The following EHBP1 variants were observed in gnomAD, a reference collection of about 807,000 sequenced individuals.
EHBP1 encodes EH domain-binding protein 1.
Under a neutral mutation model 144.0 loss-of-function variants are expected in EHBP1, and 55 were observed. The ratio of observed to expected loss-of-function variants is 0.38; its 90% confidence interval spans 0.31 to 0.48. The LOEUF is 0.48. EHBP1 is among the 20% of genes least tolerant of loss of function. The pLI is 0.98. For synonymous variants in EHBP1, 469 were observed against 472.7 expected (o/e 0.99, Z 0.10); for missense variants, 1,200 against 1,364.2 (o/e 0.88, Z 1.90).
At chr2:62,859,635 G>C (rs536318863) in intron 8 of EHBP1, among the ~76,000 whole-genome samples, 35 of 152,110 alleles carry the variant, frequency 2.3e-4, no homozygotes, top group Admixed American at 2.2e-3. Context: ...TCAGTCTGTT[G>C]AGCCCTTCTG....
At chr2:62,743,426 C>T (rs2038894464) in intron 2 of EHBP1, among the ~76,000 whole-genome samples, 1 of 151,994 alleles carries the variant, frequency 6.6e-6, no homozygotes, top group South Asian at 2.1e-4. Flanking sequence ...TGTGCCTGGA[C>T]TAGGGTAGTT....
chr2:62,734,273 C>T (rs557794487), intron 2 of EHBP1, among the ~76,000 whole-genome samples: 2 of 151,644 alleles, frequency 1.3e-5, no homozygotes, highest in Admixed American at 1.3e-4. Context: ...TCTATCCAGG[C>T]TTATAGAAAT....
At chr2:62,923,480 C>T (rs573302072) in intron 10 of EHBP1, among the ~76,000 whole-genome samples, 1 of 152,188 alleles carries the variant, frequency 6.6e-6, no homozygotes, top group Admixed American at 6.5e-5. Flanking sequence ...CCTGACCTGC[C>T]AATTGGCCCC....
At chr2:62,840,622 T>G (rs2152713882) in intron 7 of EHBP1, among the ~76,000 whole-genome samples, 1 of 151,694 alleles carries the variant, frequency 6.6e-6, no homozygotes, top group South Asian at 2.1e-4. Flanking sequence ...GAATCTACAG[T>G]GAACACAAAC....
At chr2:62,858,602 A>G (rs1038180731) in intron 7 of EHBP1, 8 of 816,248 alleles carry the variant, frequency 9.8e-6, no homozygotes, top group Admixed American at 6.5e-5. Flanking sequence ...TTTATCTGTC[A>G]GTTTTGTCTT....
At chr2:63,043,825 G>A (rs2061785022) in intron 21 of EHBP1, 2 of 145,984 alleles carry the variant, frequency 1.4e-5, no homozygotes, top group South Asian at 4.7e-4. Flanking sequence ...GCAATGGAGA[G>A]AGAAGAGAGA....
chr2:62,831,130 C>A lies in EHBP1; in HGVS notation c.606C>A (p.Asn202Lys), dbSNP rs1354169187. The change falls in exon 7 of 23, where the codon AAC (asparagine) becomes AAA (lysine). Residue 202 changes from asparagine to lysine, a missense_variant. Asn to Lys is a moderately conservative substitution (Grantham distance 94). Around this residue, in one of 6 missense-constraint regions of EHBP1, gnomAD observed 266 missense variants for 262.4 expected, o/e 1.01. Transcript: ENST00000431489. ...DNEDDDENRV[N>K]QEEKAAKITE... ...AAGATGATGATGAGAACAGAGTGAA[C>A]CAAGAAGAAAAGGCAGCTAAAATTA... 1.3e-6 allele frequency: 2 copies of A among 1,598,880 alleles called. No homozygotes were observed.
At chr2:62,919,815 GA>G (rs1005165584) in intron 10 of EHBP1, among the ~76,000 whole-genome samples, 22 of 151,558 alleles carry the variant, frequency 1.5e-4, no homozygotes, top group African/African-American at 4.4e-4. Flanking sequence ...TATTAATAAA[GA>G]AAAAACTTTA....
chr2:62,938,148 G>A (rs1356301535), intron 10 of EHBP1, among the ~76,000 whole-genome samples: 1 of 152,096 alleles, frequency 6.6e-6, no homozygotes, highest in East Asian at 1.9e-4. Context: ...AAAATGAGCA[G>A]GTTGTAAAGA....
At chr2:62,691,800 A>G (rs2033915116) in intron 1 of EHBP1, among the ~76,000 whole-genome samples, 2 of 152,194 alleles carry the variant, frequency 1.3e-5, no homozygotes, top group African/African-American at 4.8e-5. Flanking sequence ...CTGTATTAGA[A>G]TATTATATTT....
intron 14 of EHBP1, among the ~76,000 whole-genome samples, chr2:62,969,673 G>C (rs145605474): frequency 6.6e-6 from 1 of 152,206 alleles, no homozygotes; most frequent in East Asian, 1.9e-4. Flanking sequence ...AATCCCCAGG[G>C]TTGATCAAAG....
chr2:62,997,412 A>G (rs1463392607), intron 19 of EHBP1, among the ~76,000 whole-genome samples: 1 of 144,894 alleles, frequency 6.9e-6, no homozygotes, highest in African/African-American at 2.5e-5. Context: ...CACAATAAGC[A>G]ATTGGAAAGG....
chr2:62,784,177 A>G (rs2042644258), intron 5 of EHBP1, among the ~76,000 whole-genome samples: 1 of 152,202 alleles, frequency 6.6e-6, no homozygotes. Context: ...ATCATGATGT[A>G]TTTACTTTAT....
chr2:62,754,016 G>T (rs1185172029), intron 3 of EHBP1, among the ~76,000 whole-genome samples: 1 of 152,234 alleles, frequency 6.6e-6, no homozygotes, highest in African/African-American at 2.4e-5. Flanking sequence ...ATCCGTCCAG[G>T]TTTGTTTCGT....
At chr2:62,772,659 A>G (rs1232470962) in intron 5 of EHBP1, among the ~76,000 whole-genome samples, 3 of 152,224 alleles carry the variant, frequency 2.0e-5, no homozygotes, top group Admixed American at 1.3e-4. Context: ...CAGTCATACA[A>G]TTATAGGGTT....
chr2:62,772,150 AGAGAAAGAGAGAAAGG>A (rs1049932190), intron 5 of EHBP1: 2 of 140,990 alleles, frequency 1.4e-5, no homozygotes, highest in African/African-American at 5.1e-5. Flanking sequence ...AAAGAAAAAG[AGAGAAAGAGAGAAAGG>A]GAGGAAGGGG....
At chr2:62,931,104 G>A (rs1028310028) in intron 10 of EHBP1, among the ~76,000 whole-genome samples, 9 of 151,986 alleles carry the variant, frequency 5.9e-5, no homozygotes, top group African/African-American at 2.2e-4. Context: ...AAAATGGGAG[G>A]ATATTTTAAA....
chr2:62,820,980 A>G (rs2045941010), intron 5 of EHBP1, among the ~76,000 whole-genome samples: 1 of 151,240 alleles, frequency 6.6e-6, no homozygotes, highest in African/African-American at 2.4e-5. Context: ...TCATTTTATT[A>G]TTCTTAAGTT....
intron 14 of EHBP1, among the ~76,000 whole-genome samples, chr2:62,970,036 TAGTA>T (rs1297512631): frequency 6.6e-6 from 1 of 152,020 alleles, no homozygotes; most frequent in Non-Finnish European, 1.5e-5. Flanking sequence ...CTATCTTTCA[TAGTA>T]AGTGAGTGGG....
Sources: gnomAD v4.1 joint callset for allele counts (sites outside exome capture counted in the v4.1 genomes callset) on GRCh38, gnomAD v4.1.1 for gene constraint, gnomAD v4.1.1 regional missense constraint, MANE v1.5 for transcripts, NCBI Gene and HGNC (gene_info 2026-07-23, HGNC 2026-07-21) for gene names.